The following CNTN1 variants were observed in gnomAD, a reference collection of about 807,000 sequenced individuals.
The protein encoded by CNTN1 is contactin-1.
Under a neutral mutation model 126.4 loss-of-function variants are expected in CNTN1, and 38 were observed. That is an observed-to-expected ratio of 0.30 (90% confidence interval 0.23 to 0.39). The LOEUF (loss-of-function observed/expected upper bound fraction) is 0.39, where lower values mean the gene tolerates loss of function less well. Among genes scored for constraint, CNTN1 ranks in the 10% least tolerant of loss-of-function variants. The pLI is 1.00. For synonymous variants in CNTN1, 413 were observed against 422.6 expected (o/e 0.98, Z 0.28); for missense variants, 1,009 against 1,248.4 (o/e 0.81, Z 2.89).
intron 1 of CNTN1, among the ~76,000 whole-genome samples, chr12:40,796,095 T>C (rs1281711322): frequency 6.6e-6 from 1 of 152,006 alleles, no homozygotes; most frequent in African/African-American, 2.4e-5. Flanking sequence ...CAGTGAACAA[T>C]GTAAAACCAT....
intron 1 of CNTN1, among the ~76,000 whole-genome samples, chr12:40,898,770 CT>C (rs1944502250): frequency 6.6e-6 from 1 of 152,194 alleles, no homozygotes; most frequent in Non-Finnish European, 1.5e-5. Flanking sequence ...CAGTCTCATT[CT>C]CCCTTCAGGG....
intron 20 of CNTN1, 86 bp downstream of exon 20, chr12:41,020,526 CCATT>C: frequency 1.2e-6 from 1 of 843,768 alleles, no homozygotes; most frequent in East Asian, 2.7e-5. Flanking sequence ...TTTCAATGTC[CCATT>C]AATTTATGTG....
intron 23 of CNTN1, among the ~76,000 whole-genome samples, chr12:41,050,971 C>T (rs1667604000): frequency 6.6e-6 from 1 of 151,976 alleles, no homozygotes; most frequent in Admixed American, 6.6e-5. Context: ...TTCAGATTTT[C>T]CCACCCCACA....
chr12:41,057,793 TTATACA>T (rs149119374), intron 23 of CNTN1, among the ~76,000 whole-genome samples: 2,674 of 152,172 alleles, frequency 0.018, 76 homozygotes, highest in African/African-American at 0.06. Context: ...TTTGCTTTTC[TTATACA>T]TAAGCATGAG....
At chr12:40,935,509 G>T (rs1186799423) in intron 9 of CNTN1, among the ~76,000 whole-genome samples, 2 of 151,944 alleles carry the variant, frequency 1.3e-5, no homozygotes, top group African/African-American at 4.8e-5. Flanking sequence ...TCACTAGAAG[G>T]TTACATAATT....
chr12:40,741,649 A>G (rs1186564205), intron 1 of CNTN1, among the ~76,000 whole-genome samples: 2 of 152,076 alleles, frequency 1.3e-5, no homozygotes, highest in Admixed American at 1.3e-4. Context: ...CATTAATTCT[A>G]TTTTACAGAT....
At chr12:41,061,952 G>A (rs1034278912) in intron 23 of CNTN1, 1 of 245,716 alleles carries the variant, frequency 4.1e-6, no homozygotes, top group African/African-American at 2.3e-5. Context: ...TCTCAAGTAG[G>A]CAAAGGGAAA....
rs186726523 is a variant in CNTN1, at chr12:41,002,800, G to A, written c.2113+9531G>A. ...TCTCGATCTCCTGACCTCGTGATCC[G>A]CCTGCCTCGGCCTCCCAAAGTGCTG... On this transcript the variant is annotated intron_variant, in intron 17 of 23. Transcript: ENST00000551295. 2.3e-3 allele frequency among the ~76,000 whole-genome samples: 348 copies of A among 151,980 alleles called. 4 individuals are homozygous for A. Among genetic ancestry groups the A allele is most frequent in the African/African-American group, 8.0e-3 (333 of 41,502 alleles).
chr12:41,020,622 T>C (rs1948885814), intron 20 of CNTN1, among the ~76,000 whole-genome samples, 182 bp downstream of exon 20: 1 of 152,176 alleles, frequency 6.6e-6, no homozygotes, highest in East Asian at 1.9e-4. Flanking sequence ...GGTTCCTAAC[T>C]GGCCTATCTA....
At chr12:40,822,303 C>T (rs150898136) in intron 1 of CNTN1, among the ~76,000 whole-genome samples, 2,097 of 151,490 alleles carry the variant, frequency 0.014, 28 homozygotes, top group Non-Finnish European at 0.02. Context: ...TACAGGTGCC[C>T]GACACCATGC....
intron 14 of CNTN1, among the ~76,000 whole-genome samples, chr12:40,953,239 C>T (rs1946751717): frequency 6.6e-6 from 1 of 152,164 alleles, no homozygotes; most frequent in Non-Finnish European, 1.5e-5. Context: ...TTTGCTATCA[C>T]AATTTCCAGT....
intron 1 of CNTN1, among the ~76,000 whole-genome samples, chr12:40,847,881 A>G (rs188665534): frequency 6.6e-6 from 1 of 152,202 alleles, no homozygotes; most frequent in South Asian, 2.1e-4. Context: ...AAACTGTTCC[A>G]CCTCAGATCA....
At chr12:40,752,242 G>A (rs984012982) in intron 1 of CNTN1, among the ~76,000 whole-genome samples, 13 of 151,968 alleles carry the variant, frequency 8.6e-5, no homozygotes, top group Admixed American at 7.9e-4. Flanking sequence ...ATGTTTATTA[G>A]CCCATGCCTT....
rs576627492 is a variant in CNTN1 at position 40,971,909 on chromosome 12, G to A, written c.1805-9000G>A. ...ATGTACTGTTTGATTTATTCAAGCA[G>A]GTAATGAACAATGTTGTCAAACTCT... is the stretch of plus-strand genomic sequence containing the variant. On this transcript the variant is annotated intron_variant, in intron 15 of 23. Transcript: ENST00000551295. 221 of 1,039,900 alleles carry A rather than the reference G, an allele frequency of 2.1e-4. 6 individuals carry two copies. The South Asian group carries it at 7.0e-3, about 33-fold the overall frequency. 64.4% of individuals were successfully genotyped at this position (1,039,900 alleles called of 1,614,324 possible).
At chr12:40,725,444 T>C (rs927832511) in intron 1 of CNTN1, among the ~76,000 whole-genome samples, 1 of 97,422 alleles carries the variant, frequency 1.0e-5, no homozygotes, top group Non-Finnish European at 2.3e-5. Context: ...AAAAAGAAAA[T>C]TTGTAATGGG....
At chr12:40,746,779 G>A (rs1238033635) in intron 1 of CNTN1, among the ~76,000 whole-genome samples, 1 of 151,986 alleles carries the variant, frequency 6.6e-6, no homozygotes, top group East Asian at 1.9e-4. Flanking sequence ...GAATGCCCGC[G>A]GAAGGTCATA....
chr12:40,743,138 T>G (rs1938020744), intron 1 of CNTN1, among the ~76,000 whole-genome samples: 1 of 151,926 alleles, frequency 6.6e-6, no homozygotes, highest in South Asian at 2.1e-4. Flanking sequence ...ATTGGGACAG[T>G]TTTCTAACCA....
At chr12:40,862,001 G>A (rs1465652127) in intron 1 of CNTN1, among the ~76,000 whole-genome samples, 1 of 151,670 alleles carries the variant, frequency 6.6e-6, no homozygotes, top group African/African-American at 2.4e-5. Flanking sequence ...GAGTTTGAGG[G>A]CTAGGAGTTT....
chr12:40,886,564 T>C (rs1944039000), intron 1 of CNTN1, among the ~76,000 whole-genome samples: 1 of 152,182 alleles, frequency 6.6e-6, no homozygotes, highest in African/African-American at 2.4e-5. Context: ...AGAAGCTCTT[T>C]AGTTTAATTA....
Sources: allele counts gnomAD v4.1 joint callset (sites outside exome capture counted in the v4.1 genomes callset), GRCh38; gene constraint gnomAD v4.1.1; transcripts MANE v1.5; gene names NCBI Gene and HGNC (gene_info 2026-07-23, HGNC 2026-07-21).